MSRA: variants seen among roughly 807,000 people sequenced by gnomAD.
MSRA encodes mitochondrial peptide methionine sulfoxide reductase.
Under a neutral mutation model 31.3 loss-of-function variants are expected in MSRA, and 54 were observed. That is an observed-to-expected ratio of 1.73 (90% CI 1.39 to 2.17). MSRA has a LOEUF of 2.17. MSRA is among the 30% of genes most tolerant of loss of function. MSRA has a pLI of 0.00. For synonymous variants in MSRA, 169 were observed against 116.5 expected, an observed-to-expected ratio of 1.45 and a Z score of -2.90; for missense variants, 507 against 300.9, an observed-to-expected ratio of 1.69 and a Z score of -5.07.
At chr8:10,133,555 G>C (rs954642530) in intron 1 of MSRA, among the ~76,000 whole-genome samples, 1 of 152,182 alleles carries the variant, frequency 6.6e-6, no homozygotes, top group Admixed American at 6.5e-5. Flanking sequence ...GGGCTTTGCT[G>C]CCTACCAGCT....
At position 10,291,337 on chromosome 8, in the gene MSRA, T is replaced by C. The variant is rs536622912; in HGVS notation, c.332-10197T>C. ...ATTCACAATTGCTCCACCAGTATTT[T>C]TTTTCTACTTTTCAATCAATAGGAT... On this transcript the variant is annotated intron_variant, in intron 3 of 5. Coordinates refer to ENST00000317173, the MANE Select transcript of MSRA (RefSeq NM_012331.5). Among the ~76,000 whole-genome samples, 205 of 152,316 alleles carry C rather than the reference T, an allele frequency of 1.3e-3. 1 individual carries two copies. The South Asian group carries it at 0.017, about 12-fold the overall frequency.
intron 5 of MSRA, among the ~76,000 whole-genome samples, chr8:10,417,306 C>A (rs554413163): frequency 6.6e-6 from 1 of 152,180 alleles, no homozygotes; most frequent in African/African-American, 2.4e-5. Context: ...CTTGCATGTG[C>A]CAGCAGTGAT....
At position 10,328,750 on chromosome 8, in the gene MSRA, A is replaced by C. The variant is rs191025373; in HGVS notation, c.543+8761A>C. The stretch of plus-strand genomic sequence containing the variant: ...GTAGCCTATAATTCTTAAAGTTCAG[A>C]ACCTTTGAATAAGGCTCAAGAACTT... On this transcript the variant is annotated intron_variant, in intron 5 of 5. Coordinates refer to ENST00000317173, the MANE Select transcript of MSRA (RefSeq NM_012331.5). 2.0e-5 allele frequency among the ~76,000 whole-genome samples: 3 copies of C among 152,344 alleles called. No individual in the cohort carries two copies. The East Asian group carries it at 5.8e-4, about 29-fold the overall frequency.
intron 3 of MSRA, among the ~76,000 whole-genome samples, chr8:10,284,006 G>A (rs560040665): frequency 6.6e-6 from 1 of 151,372 alleles, no homozygotes; most frequent in African/African-American, 2.4e-5. Flanking sequence ...TTTTCCTCTT[G>A]GTAGATAGCC....
intron 4 of MSRA, among the ~76,000 whole-genome samples, chr8:10,317,708 T>C (rs1377922394): frequency 6.6e-6 from 1 of 152,194 alleles, no homozygotes. Context: ...GCTTTCCTGG[T>C]ACATCAAGAC....
chr8:10,205,826 G>C (rs1422495879), intron 1 of MSRA, among the ~76,000 whole-genome samples: 1 of 152,084 alleles, frequency 6.6e-6, no homozygotes, highest in Non-Finnish European at 1.5e-5. Context: ...GTTGTAATAG[G>C]ATTGTGTTTC....
intron 5 of MSRA, among the ~76,000 whole-genome samples, chr8:10,426,237 AT>A (rs1201948049): frequency 6.6e-6 from 1 of 152,178 alleles, no homozygotes; most frequent in Non-Finnish European, 1.5e-5. Flanking sequence ...CTGGAGCCAA[AT>A]GCTGTGTGAG....
At chr8:10,123,279 G>T (rs1801259202) in intron 1 of MSRA, among the ~76,000 whole-genome samples, 1 of 152,214 alleles carries the variant, frequency 6.6e-6, no homozygotes, top group South Asian at 2.1e-4. Flanking sequence ...AATGATCAGA[G>T]ATGTTGAACT....
At chr8:10,408,857 T>C (rs1257973501) in intron 5 of MSRA, among the ~76,000 whole-genome samples, 2 of 151,270 alleles carry the variant, frequency 1.3e-5, no homozygotes, top group Non-Finnish European at 2.9e-5. Flanking sequence ...CTTAGCATAA[T>C]GGCCTCCAGT....
intron 2 of MSRA, among the ~76,000 whole-genome samples, chr8:10,224,976 A>G (rs1354299260): frequency 2.6e-5 from 4 of 152,160 alleles, no homozygotes; most frequent in Non-Finnish European, 5.9e-5. Context: ...CATCTCTACT[A>G]TAAATACAAA....
chr8:10,271,864 A>G (rs1377703858), intron 3 of MSRA, among the ~76,000 whole-genome samples: 7 of 152,018 alleles, frequency 4.6e-5, no homozygotes, highest in Non-Finnish European at 1.0e-4. Context: ...GATTATAGGC[A>G]CGTGCTACCA....
intron 5 of MSRA, among the ~76,000 whole-genome samples, chr8:10,358,198 G>C (rs1486399038): frequency 6.6e-6 from 1 of 152,160 alleles, no homozygotes; most frequent in Non-Finnish European, 1.5e-5. Flanking sequence ...CAAAGTGCTG[G>C]GATTGCAGGT....
chr8:10,206,637 C>T (rs541361230), intron 1 of MSRA, among the ~76,000 whole-genome samples: 22 of 152,250 alleles, frequency 1.4e-4, no homozygotes, highest in Admixed American at 1.2e-3. Flanking sequence ...GACTCCTGGC[C>T]CTCACTGAAG....
At chr8:10,152,601 TA>T (rs1235770669) in intron 1 of MSRA, among the ~76,000 whole-genome samples, 2 of 152,246 alleles carry the variant, frequency 1.3e-5, no homozygotes, top group African/African-American at 4.8e-5. Context: ...TTCATTGTTT[TA>T]GATTCTGTGG....
At chr8:10,283,180 T>C (rs1253496197) in intron 3 of MSRA, among the ~76,000 whole-genome samples, 1 of 150,268 alleles carries the variant, frequency 6.7e-6, no homozygotes. Flanking sequence ...TTCTCTTTGC[T>C]GGGGAAAGGT....
At chr8:10,292,253 G>A (rs578185447) in intron 3 of MSRA, among the ~76,000 whole-genome samples, 2 of 152,298 alleles carry the variant, frequency 1.3e-5, no homozygotes, top group South Asian at 2.1e-4. Context: ...CAGATGCCCC[G>A]TCCGGATGAA....
chr8:10,199,300 C>G (rs1483396608), intron 1 of MSRA, among the ~76,000 whole-genome samples: 2 of 152,054 alleles, frequency 1.3e-5, no homozygotes, highest in African/African-American at 4.8e-5. Flanking sequence ...CCGGTAGGCT[C>G]ACTCTAGGCT....
chr8:10,237,842 G>T (rs900645793), intron 2 of MSRA, among the ~76,000 whole-genome samples: 3 of 152,052 alleles, frequency 2.0e-5, no homozygotes, highest in South Asian at 2.1e-4. Flanking sequence ...ACCACCACTT[G>T]GTCTAAACCA....
intron 5 of MSRA, among the ~76,000 whole-genome samples, chr8:10,359,648 CCTT>C (rs1804723527): frequency 6.6e-6 from 1 of 152,104 alleles, no homozygotes; most frequent in Non-Finnish European, 1.5e-5. Context: ...CAGAGAGGCT[CCTT>C]CTTTTCACTC....
Sources: gnomAD v4.1 joint callset for allele counts (sites outside exome capture counted in the v4.1 genomes callset) on GRCh38, gnomAD v4.1.1 for gene constraint, MANE v1.5 for transcripts, NCBI Gene and HGNC (gene_info 2026-07-23, HGNC 2026-07-21) for gene names.